Variants in SNRPD1 observed in about 807,000 individuals in gnomAD.
The protein encoded by SNRPD1 is small nuclear ribonucleoprotein D1 polypeptide.
In SNRPD1, 1 loss-of-function variant was observed where a neutral mutation model predicts 14.4. The observed-to-expected ratio is 0.07, with a 90% CI of 0.02 to 0.33. The LOEUF (loss-of-function observed/expected upper bound fraction) is 0.33, where lower values mean the gene tolerates loss of function less well. Among genes scored for constraint, SNRPD1 ranks in the 10% least tolerant of loss-of-function variants. SNRPD1 has a pLI of 1.00. For synonymous variants in SNRPD1, 42 were observed against 50.3 expected, an observed-to-expected ratio of 0.83 and a Z score of 0.70; for missense variants, 52 against 146.4, an observed-to-expected ratio of 0.36 and a Z score of 3.33.
chr18:21,616,514 C>A (rs535385976), intron 1 of SNRPD1, among the ~76,000 whole-genome samples: 3 of 149,570 alleles, frequency 2.0e-5, no homozygotes, highest in Non-Finnish European at 4.5e-5. Context: ...CCTGCCACCA[C>A]GCCTGGCTAA....
intron 1 of SNRPD1, among the ~76,000 whole-genome samples, chr18:21,615,741 A>G (rs965671617): frequency 1.3e-5 from 2 of 152,242 alleles, no homozygotes; most frequent in African/African-American, 4.8e-5. Context: ...GAGGGAAACA[A>G]ATTTTCGTGG....
intron 3 of SNRPD1, among the ~76,000 whole-genome samples, chr18:21,624,601 G>C (rs1190036807): frequency 2.0e-5 from 3 of 151,162 alleles, no homozygotes; most frequent in African/African-American, 7.3e-5. Flanking sequence ...TGAGGCAGAC[G>C]AATCACTTGA....
At chr18:21,626,175 C>T (rs529784504) in intron 3 of SNRPD1, among the ~76,000 whole-genome samples, 1 of 151,272 alleles carries the variant, frequency 6.6e-6, no homozygotes, top group Non-Finnish European at 1.5e-5. Context: ...GGCAGATCGC[C>T]TGAACTCGGA....
At chr18:21,620,347 C>T (rs1366359717) in intron 1 of SNRPD1, among the ~76,000 whole-genome samples, 2 of 152,104 alleles carry the variant, frequency 1.3e-5, no homozygotes, top group African/African-American at 4.8e-5. Context: ...GTGATCATCC[C>T]ACCTTGGCCT....
chr18:21,616,660 G>T (rs563987056), intron 1 of SNRPD1, among the ~76,000 whole-genome samples: 1 of 145,558 alleles, frequency 6.9e-6, no homozygotes, highest in African/African-American at 2.5e-5. Flanking sequence ...CTGACTGATC[G>T]ATTTTTATGT....
intron 1 of SNRPD1, among the ~76,000 whole-genome samples, chr18:21,613,286 G>A (rs1241271464): frequency 6.6e-6 from 1 of 152,164 alleles, no homozygotes; most frequent in Non-Finnish European, 1.5e-5. Context: ...GTTTTTCCTT[G>A]AGACTAAGCC....
At chr18:21,613,046 A>G (rs2038931089) in intron 1 of SNRPD1, among the ~76,000 whole-genome samples, 1 of 152,104 alleles carries the variant, frequency 6.6e-6, no homozygotes, top group South Asian at 2.1e-4. Flanking sequence ...TTTGTGATTG[A>G]TTATTCCACC....
chr18:21,625,830 C>A (rs953745817), intron 3 of SNRPD1, among the ~76,000 whole-genome samples: 1 of 151,918 alleles, frequency 6.6e-6, no homozygotes, highest in Non-Finnish European at 1.5e-5. Context: ...CAAGCGGTCT[C>A]GATCTCCTGA....
intron 1 of SNRPD1, among the ~76,000 whole-genome samples, chr18:21,621,940 C>T (rs946542398): frequency 6.6e-6 from 1 of 152,094 alleles, no homozygotes; most frequent in African/African-American, 2.4e-5. Context: ...AACTGCTAAA[C>T]GAGGACTACA....
chr18:21,622,565 A>T (rs1403130164), intron 1 of SNRPD1, among the ~76,000 whole-genome samples, 160 bp from the exon 2 acceptor site: 1 of 152,214 alleles, frequency 6.6e-6, no homozygotes, highest in African/African-American at 2.4e-5. Flanking sequence ...AAGGTTGAGG[A>T]TATAATTCAG....
chr18:21,626,997 AAG>A (rs1321441904), intron 3 of SNRPD1, among the ~76,000 whole-genome samples: 2 of 149,892 alleles, frequency 1.3e-5, no homozygotes, highest in African/African-American at 4.9e-5. Flanking sequence ...AAAAAAAAAA[AAG>A]AAGCAGCAGC....
At chr18:21,624,657 C>T (rs1355778437) in intron 3 of SNRPD1, among the ~76,000 whole-genome samples, 1 of 150,884 alleles carries the variant, frequency 6.6e-6, no homozygotes, top group African/African-American at 2.4e-5. Context: ...CGCCACTGCA[C>T]TCCAGCCTGG....
At chr18:21,622,884 CA>C (rs2039008554) in intron 2 of SNRPD1, 83 bp downstream of exon 2, 1 of 679,444 alleles carries the variant, frequency 1.5e-6, no homozygotes, top group Non-Finnish European at 2.6e-6. Context: ...GCTTAATGAA[CA>C]TTATTGTAGT....
At chr18:21,628,169 C>G (rs554780028) in intron 3 of SNRPD1, among the ~76,000 whole-genome samples, 256 of 152,182 alleles carry the variant, frequency 1.7e-3, no homozygotes, top group African/African-American at 5.9e-3. Context: ...TGCTTTGGCC[C>G]AAGAGTTTGA....
chr18:21,615,213 C>T (rs1357136696), intron 1 of SNRPD1, among the ~76,000 whole-genome samples: 4 of 152,090 alleles, frequency 2.6e-5, no homozygotes, highest in Non-Finnish European at 2.9e-5. Flanking sequence ...AGTATTTTTG[C>T]GTAAAACTTC....
intron 3 of SNRPD1, among the ~76,000 whole-genome samples, chr18:21,624,501 G>A (rs2039021165): frequency 6.6e-6 from 1 of 151,922 alleles, no homozygotes; most frequent in Non-Finnish European, 1.5e-5. Context: ...AGACCAGCCT[G>A]GTCAACATGG....
chr18:21,612,978 C>T (rs1285482552), intron 1 of SNRPD1, among the ~76,000 whole-genome samples: 2 of 152,188 alleles, frequency 1.3e-5, no homozygotes, highest in Non-Finnish European at 2.9e-5. Flanking sequence ...GCTGAGATTA[C>T]AGGTTTGAGC....
At chr18:21,627,654 C>G (rs998003801) in intron 3 of SNRPD1, among the ~76,000 whole-genome samples, 30 of 151,926 alleles carry the variant, frequency 2.0e-4, no homozygotes, top group African/African-American at 7.0e-4. Flanking sequence ...TTCCCATTTT[C>G]TTTATTTTTT....
intron 2 of SNRPD1, 28 bp downstream of exon 2, chr18:21,622,829 ATTT>A (rs59505994): frequency 8.4e-7 from 1 of 1,190,842 alleles, no homozygotes; most frequent in Admixed American, 1.8e-5. Flanking sequence ...CTTTTATAAC[ATTT>A]TTTTTCTTCT....
Sources: allele counts gnomAD v4.1 joint callset (sites outside exome capture counted in the v4.1 genomes callset), GRCh38; gene constraint gnomAD v4.1.1; transcripts MANE v1.5; gene names NCBI Gene and HGNC (gene_info 2026-07-23, HGNC 2026-07-21).